The following SLC26A7 variants were observed in gnomAD, a reference collection of about 807,000 sequenced individuals.
The protein encoded by SLC26A7 is anion exchange transporter.
Under a neutral mutation model 82.5 loss-of-function variants are expected in SLC26A7, and 59 were observed. The observed-to-expected ratio is 0.72, with a 90% CI of 0.58 to 0.89. The LOEUF (loss-of-function observed/expected upper bound fraction) is 0.89, where lower values mean the gene tolerates loss of function less well. SLC26A7 is among the 40% of genes least tolerant of loss of function. The pLI is 0.00. For synonymous variants in SLC26A7, 271 were observed against 274.3 expected (o/e 0.99, Z 0.12); for missense variants, 820 against 793.0 (o/e 1.03, Z -0.41).
intron 9 of SLC26A7, 144 bp downstream of exon 9, chr8:91,343,610 T>G: frequency 1.8e-6 from 1 of 566,980 alleles, no homozygotes; most frequent in Non-Finnish European, 3.0e-6. Flanking sequence ...AAGAAAGTCC[T>G]TCTCTCTCTC....
chr8:91,298,483 A>C (rs1563666928), intron 4 of SLC26A7, among the ~76,000 whole-genome samples: 1 of 152,104 alleles, frequency 6.6e-6, no homozygotes, highest in Non-Finnish European at 1.5e-5. Flanking sequence ...TTTTCTATGT[A>C]AGACATTACT....
chr8:91,241,493 A>G (rs1304140628), intron 2 of SLC26A7, among the ~76,000 whole-genome samples: 1 of 152,170 alleles, frequency 6.6e-6, no homozygotes, highest in Non-Finnish European at 1.5e-5. Flanking sequence ...AGAAATATAA[A>G]TAGCTTCTGA....
At chr8:91,378,833 A>C (rs548502734) in intron 15 of SLC26A7, among the ~76,000 whole-genome samples, 2 of 152,228 alleles carry the variant, frequency 1.3e-5, no homozygotes, top group East Asian at 1.9e-4. Context: ...ATATAACCCC[A>C]AAACTACCAT....
chr8:91,316,379 C>T lies in SLC26A7; in HGVS notation c.478-1837C>T, dbSNP rs539484065. Among the ~76,000 whole-genome samples, 9 of 150,376 alleles carry T rather than the reference C, an allele frequency of 6.0e-5. No homozygotes were observed. In the East Asian group the frequency reaches 1.6e-3, roughly 26 times the overall value. Reference sequence around the variant, plus strand: ...CTTACTGCAACCTCTGCCTCCTGGGCTCAGGCCATCCTTCCACCTCAGCCT... The same window carrying T: ...CTTACTGCAACCTCTGCCTCCTGGGTTCAGGCCATCCTTCCACCTCAGCCT... On this transcript the variant is annotated intron_variant, in intron 4 of 18. Coordinates refer to ENST00000276609, the MANE Select transcript of SLC26A7 (RefSeq NM_052832.4).
chr8:91,215,266 A>G (rs534918238), intron 1 of SLC26A7, among the ~76,000 whole-genome samples: 12 of 152,250 alleles, frequency 7.9e-5, no homozygotes, highest in Non-Finnish European at 1.5e-4. Context: ...TCCTGAGAAA[A>G]CAGGAAACCA....
At chr8:91,346,106 A>G (rs1330494413) in intron 9 of SLC26A7, among the ~76,000 whole-genome samples, 7 of 152,186 alleles carry the variant, frequency 4.6e-5, no homozygotes, top group Non-Finnish European at 1.0e-4. Flanking sequence ...CTCCAAAAGA[A>G]ATGAAAGAAA....
chr8:91,274,155 G>A (rs117044381), intron 2 of SLC26A7, among the ~76,000 whole-genome samples: 440 of 152,254 alleles, frequency 2.9e-3, no homozygotes, highest in Admixed American at 4.6e-3. Context: ...GCAGAATCTA[G>A]TACAAAGGAA....
In SLC26A7 at chr8:91,368,425, G is replaced by GT. The variant is rs1269729279; in HGVS notation, c.1627-1349dup. Among the ~76,000 whole-genome samples the GT allele has an allele frequency of 4.8e-3, 434 of 90,470 alleles. 3 individuals are homozygous for GT. The highest frequency in any genetic ancestry group is 0.02 in the South Asian group (64 of 3,160). The allele number at this position is 90,470 out of a possible 152,430, so 59.4% of individuals were successfully genotyped here. On this transcript the variant is annotated intron_variant, in intron 14 of 18. Transcript: ENST00000276609. The stretch of plus-strand genomic sequence containing the variant: ...GATTTCAGATGAGGTTTTTTTTTTT[G>GT]TTTTTTTTTTTGAGACGGAGTCTCA...
At chr8:91,392,583 G>T (rs1187891304) in intron 16 of SLC26A7, among the ~76,000 whole-genome samples, 1 of 152,110 alleles carries the variant, frequency 6.6e-6, no homozygotes, top group Non-Finnish European at 1.5e-5. Context: ...ATGGAAGAAG[G>T]TTCAGAGTAA....
chr8:91,251,975 G>T (rs1021314543), intron 2 of SLC26A7, among the ~76,000 whole-genome samples: 1 of 152,024 alleles, frequency 6.6e-6, no homozygotes, highest in Non-Finnish European at 1.5e-5. Flanking sequence ...ACTAGAATAG[G>T]ATACAGAGTA....
At chr8:91,365,252 G>A (rs1814160324) in intron 13 of SLC26A7, among the ~76,000 whole-genome samples, 1 of 152,184 alleles carries the variant, frequency 6.6e-6, no homozygotes, top group African/African-American at 2.4e-5. Flanking sequence ...GGCCACACTG[G>A]AAGAAGAATT....
At chr8:91,327,782 C>G (rs547821019) in intron 5 of SLC26A7, among the ~76,000 whole-genome samples, 2 of 152,222 alleles carry the variant, frequency 1.3e-5, no homozygotes, top group South Asian at 4.1e-4. Flanking sequence ...ACTTATTTAT[C>G]ACAGATCTTT....
chr8:91,392,879 A>G (rs1489359840), intron 16 of SLC26A7, among the ~76,000 whole-genome samples: 1 of 152,268 alleles, frequency 6.6e-6, no homozygotes, highest in East Asian at 1.9e-4. Context: ...AATCATTTTA[A>G]CTTGCAAAAA....
At chr8:91,369,221 C>T (rs1814284503) in intron 14 of SLC26A7, among the ~76,000 whole-genome samples, 1 of 152,086 alleles carries the variant, frequency 6.6e-6, no homozygotes, top group Non-Finnish European at 1.5e-5. Context: ...GTGTGAAGTC[C>T]TTGGCATATA....
chr8:91,352,624 A>C (rs1316055298), intron 10 of SLC26A7, among the ~76,000 whole-genome samples: 1 of 152,108 alleles, frequency 6.6e-6, no homozygotes, highest in Non-Finnish European at 1.5e-5. Flanking sequence ...ATTTAGCTTC[A>C]TGATGTTCAC....
At chr8:91,379,852 C>T (rs904299503) in intron 15 of SLC26A7, among the ~76,000 whole-genome samples, 1 of 151,768 alleles carries the variant, frequency 6.6e-6, no homozygotes, top group African/African-American at 2.4e-5. Context: ...CTATATAAAA[C>T]ATGAAAAAAT....
chr8:91,222,402 A>G (rs565902695), intron 2 of SLC26A7, among the ~76,000 whole-genome samples: 21 of 152,226 alleles, frequency 1.4e-4, no homozygotes, highest in African/African-American at 5.1e-4. Context: ...TTCCAATACT[A>G]TGTTGAATAG....
In SLC26A7 at chr8:91,395,460, A is replaced by G. The variant is rs1808542943; in HGVS notation, c.*363A>G. The G allele has an allele frequency of 4.7e-6, 1 of 211,864 alleles. No individual in the cohort carries two copies. The highest frequency in any genetic ancestry group is 1.3e-4 in the South Asian group (1 of 7,920). The allele number at this position is 211,864 out of a possible 1,614,324, so 13.1% of individuals were successfully genotyped here. On this transcript the variant is annotated 3_prime_UTR_variant, in exon 19 of 19. Coordinates refer to ENST00000276609, the MANE Select transcript of SLC26A7 (RefSeq NM_052832.4). ...AATACTTTTGTCATAGGTAATTTGG[A>G]ACATTTACAAGCCATTTGTAAAATT...
chr8:91,317,846 A>G (rs2130807730), intron 4 of SLC26A7, among the ~76,000 whole-genome samples: 1 of 151,784 alleles, frequency 6.6e-6, no homozygotes, highest in East Asian at 1.9e-4. Flanking sequence ...AGGAAAAGAG[A>G]AAAGTCTAAA....
Sources: allele counts gnomAD v4.1 joint callset (sites outside exome capture counted in the v4.1 genomes callset), GRCh38; gene constraint gnomAD v4.1.1; transcripts MANE v1.5; gene names NCBI Gene and HGNC (gene_info 2026-07-23, HGNC 2026-07-21).